The following FNBP1L variants were observed in gnomAD, a reference collection of about 807,000 sequenced individuals.
The protein encoded by FNBP1L is formin-binding protein 1-like.
In FNBP1L, 36 loss-of-function variants were observed where a neutral mutation model predicts 91.2. The ratio of observed to expected loss-of-function variants is 0.39; its 90% confidence interval spans 0.30 to 0.52. The LOEUF is 0.52. Ranked by LOEUF, FNBP1L falls within the 20% of genes least tolerant of loss-of-function variation. The probability of loss-of-function intolerance (pLI) is 0.66; values close to 1 mark genes in which losing one functional copy is unlikely to be tolerated. For missense variants in FNBP1L, 571 were observed against 732.1 expected (o/e 0.78, Z 2.54); for synonymous variants, 242 against 237.0 (o/e 1.02, Z -0.19).
At chr1:93,494,418 A>T (rs1670197610) in intron 1 of FNBP1L, among the ~76,000 whole-genome samples, 1 of 152,162 alleles carries the variant, frequency 6.6e-6, no homozygotes, top group African/African-American at 2.4e-5. Flanking sequence ...ATGATTGATT[A>T]AATCATTAAT....
At chr1:93,454,853 T>C (rs1452475346) in intron 1 of FNBP1L, among the ~76,000 whole-genome samples, 2 of 152,176 alleles carry the variant, frequency 1.3e-5, no homozygotes, top group Admixed American at 6.5e-5. Flanking sequence ...ACTTAAAATA[T>C]ATGGGACGAT....
intron 1 of FNBP1L, among the ~76,000 whole-genome samples, chr1:93,474,284 A>AATT (rs1553210163): frequency 6.6e-6 from 1 of 151,676 alleles, no homozygotes. Flanking sequence ...CTTCCATCCT[A>AATT]CTTCAGGATG....
intron 2 of FNBP1L, among the ~76,000 whole-genome samples, chr1:93,507,103 ACACACTCTCT>A (rs1557798034): frequency 2.4e-3 from 125 of 52,500 alleles, no homozygotes; most frequent in African/African-American, 5.7e-3. Flanking sequence ...ACACACACAC[ACACACTCTCT>A]CTCTCTCTCT....
rs1288262639 is a variant in FNBP1L at position 93,533,061 on chromosome 1, A to G, written c.779A>G (p.Glu260Gly). 1 of 1,599,852 alleles carries G rather than the reference A, an allele frequency of 6.3e-7. No individual in the cohort carries two copies. Among genetic ancestry groups the G allele is most frequent in the Non-Finnish European group, 8.5e-7 (1 of 1,172,790 alleles). Residue 260 changes from glutamate to glycine, a missense_variant, in exon 8 of 17, where the codon GAA (glutamate) becomes GGA (glycine). Coordinates refer to ENST00000271234, the MANE Select transcript of FNBP1L (RefSeq NM_001164473.3). ...ATTCTTGCAGCAAAATCAGTTGATG[A>G]AAGAAGAGTAAGTGCTAAATAATTA... The part of the protein sequence containing the change: ...GMILAAKSVD[E>G]RRDSQMVVDS...
chr1:93,466,019 T>G (rs1171025614), intron 1 of FNBP1L, among the ~76,000 whole-genome samples: 1 of 152,250 alleles, frequency 6.6e-6, no homozygotes, highest in African/African-American at 2.4e-5. Flanking sequence ...GAAGTATGTG[T>G]TCATATCCTT....
rs373633522 is a variant in FNBP1L, at chr1:93,552,370, T to C, written c.1811-39T>C. On this transcript the variant is annotated intron_variant, in intron 16 of 16. Coordinates refer to ENST00000271234, the MANE Select transcript of FNBP1L (RefSeq NM_001164473.3). ...ACCCCTTTTGGTTTTACCAAAGGTCTTCAGTAATTGTTCTTTTCTTTTTCC... is the reference window on the plus strand; with the variant it reads ...ACCCCTTTTGGTTTTACCAAAGGTCCTCAGTAATTGTTCTTTTCTTTTTCC... The C allele has an allele frequency of 3.9e-5, 63 of 1,605,308 alleles. No homozygotes were observed. In the Middle Eastern group the frequency reaches 6.7e-4, roughly 17 times the overall value.
At chr1:93,462,256 G>A (rs1668894911) in intron 1 of FNBP1L, among the ~76,000 whole-genome samples, 1 of 152,140 alleles carries the variant, frequency 6.6e-6, no homozygotes, top group Non-Finnish European at 1.5e-5. Context: ...CAGAGAATAA[G>A]AGGCCATCAG....
intron 1 of FNBP1L, among the ~76,000 whole-genome samples, chr1:93,478,981 C>T (rs1258350796): frequency 6.6e-6 from 1 of 152,172 alleles, no homozygotes; most frequent in Admixed American, 6.6e-5. Context: ...AAACTTAAAG[C>T]AAAATTTGTA....
intron 1 of FNBP1L, among the ~76,000 whole-genome samples, chr1:93,492,724 C>T (rs1453713906): frequency 1.3e-5 from 2 of 151,856 alleles, no homozygotes; most frequent in African/African-American, 2.4e-5. Flanking sequence ...AGGAGTTCGA[C>T]GCTGCAGTGA....
chr1:93,519,050 C>G (rs1158020257), intron 2 of FNBP1L, among the ~76,000 whole-genome samples: 3 of 152,148 alleles, frequency 2.0e-5, no homozygotes, highest in African/African-American at 7.2e-5. Flanking sequence ...TTCTGTCAGT[C>G]TAGTATCTGA....
At chr1:93,497,045 CTACCT>C (rs1382619303) in intron 1 of FNBP1L, among the ~76,000 whole-genome samples, 1 of 152,146 alleles carries the variant, frequency 6.6e-6, no homozygotes, top group East Asian at 1.9e-4. Context: ...ACTGCAAGCT[CTACCT>C]ACTGGGTTCA....
chr1:93,474,616 C>G (rs1406382555), intron 1 of FNBP1L, among the ~76,000 whole-genome samples: 1 of 152,160 alleles, frequency 6.6e-6, no homozygotes, highest in Non-Finnish European at 1.5e-5. Context: ...TACAGAGATT[C>G]TGATTTACTA....
At chr1:93,485,650 A>G (rs2101712283) in intron 1 of FNBP1L, among the ~76,000 whole-genome samples, 1 of 152,342 alleles carries the variant, frequency 6.6e-6, no homozygotes, top group East Asian at 1.9e-4. Context: ...CATTAAATGA[A>G]TAGTAATAGC....
intron 1 of FNBP1L, among the ~76,000 whole-genome samples, chr1:93,478,739 T>A (rs1258361346): frequency 1.3e-5 from 2 of 152,208 alleles, no homozygotes; most frequent in African/African-American, 4.8e-5. Flanking sequence ...GTTTTTTGAC[T>A]GTTGGAGAAG....
chr1:93,543,936 T>A (rs930915695), intron 11 of FNBP1L, 171 bp from the exon 12 acceptor site: 1 of 405,440 alleles, frequency 2.5e-6, no homozygotes, highest in Admixed American at 4.3e-5. Context: ...CATTAACATA[T>A]ACGCATAAAC....
At chr1:93,524,213 GTTTTATT>G in intron 4 of FNBP1L, 41 bp from the exon 5 acceptor site, 1 of 1,367,838 alleles carries the variant, frequency 7.3e-7, no homozygotes, top group Non-Finnish European at 9.6e-7. Context: ...ATTTGTTTTT[GTTTTATT>G]TTTTATTTTT....
At chr1:93,508,245 G>C (rs1369587818) in intron 2 of FNBP1L, among the ~76,000 whole-genome samples, 1 of 152,082 alleles carries the variant, frequency 6.6e-6, no homozygotes, top group Non-Finnish European at 1.5e-5. Flanking sequence ...AGCTACCTGG[G>C]AGGCTGAGGT....
At chr1:93,542,455 A>AC (rs1672078452) in intron 11 of FNBP1L, among the ~76,000 whole-genome samples, 2 of 149,606 alleles carry the variant, frequency 1.3e-5, no homozygotes, top group Admixed American at 6.6e-5. Flanking sequence ...AAAAAAAAAA[A>AC]AAAAAAAAAA....
At chr1:93,459,817 A>G (rs1668799819) in intron 1 of FNBP1L, among the ~76,000 whole-genome samples, 1 of 152,180 alleles carries the variant, frequency 6.6e-6, no homozygotes, top group Non-Finnish European at 1.5e-5. Context: ...CGGGATTGCT[A>G]TGATTTGAAT....
Sources: gnomAD v4.1 joint callset for allele counts (sites outside exome capture counted in the v4.1 genomes callset) on GRCh38, gnomAD v4.1.1 for gene constraint, MANE v1.5 for transcripts, NCBI Gene and HGNC (gene_info 2026-07-23, HGNC 2026-07-21) for gene names.